The following SIK2 variants were observed in gnomAD, a reference collection of about 807,000 sequenced individuals.
SIK2 encodes the protein salt inducible kinase 2, also known as serine/threonine-protein kinase SIK2.
Under a neutral mutation model 103.2 loss-of-function variants are expected in SIK2, and 29 were observed. The ratio of observed to expected loss-of-function variants is 0.28; its 90% CI spans 0.21 to 0.38. SIK2 has a LOEUF of 0.38. Among genes scored for constraint, SIK2 ranks in the 10% least tolerant of loss-of-function variants. The pLI, the probability that SIK2 is intolerant of heterozygous loss-of-function variation, is 1.00. For synonymous variants in SIK2, 412 were observed against 446.1 expected (o/e 0.92, Z 0.96); for missense variants, 879 against 1,171.0 (o/e 0.75, Z 3.64).
At chr11:111,685,010 C>T (rs1419007970) in intron 3 of SIK2, among the ~76,000 whole-genome samples, 1 of 152,190 alleles carries the variant, frequency 6.6e-6, no homozygotes, top group Non-Finnish European at 1.5e-5. Context: ...TAGTGCTAAG[C>T]ATTGCAGAGT....
chr11:111,723,084 C>T (rs995887045), intron 14 of SIK2, among the ~76,000 whole-genome samples: 1 of 152,180 alleles, frequency 6.6e-6, no homozygotes, highest in Non-Finnish European at 1.5e-5. Context: ...TCCGTCCTCC[C>T]TTACTATCAT....
intron 8 of SIK2, among the ~76,000 whole-genome samples, chr11:111,708,934 T>C (rs1446030049): frequency 6.6e-6 from 1 of 152,116 alleles, no homozygotes; most frequent in East Asian, 1.9e-4. Context: ...TAACAGTCCT[T>C]CCACTGCAAG....
intron 3 of SIK2, among the ~76,000 whole-genome samples, chr11:111,679,912 C>T (rs1174827788): frequency 6.6e-6 from 1 of 152,070 alleles, no homozygotes; most frequent in Non-Finnish European, 1.5e-5. Flanking sequence ...ATCACAAGGT[C>T]AGGAGTTCAA....
chr11:111,676,645 C>T (rs192481989), intron 3 of SIK2, among the ~76,000 whole-genome samples: 264 of 152,230 alleles, frequency 1.7e-3, no homozygotes, highest in Non-Finnish European at 2.9e-3. Context: ...ATGATGATGT[C>T]TTAGATCTCA....
At chr11:111,659,866 T>C (rs567522795) in intron 3 of SIK2, among the ~76,000 whole-genome samples, 26 of 152,298 alleles carry the variant, frequency 1.7e-4, no homozygotes, top group Non-Finnish European at 3.7e-4. Context: ...ACTTTTAGAG[T>C]TGATTGGAGA....
chr11:111,727,122 A>G lies in SIK2; in HGVS notation c.*2993A>G, dbSNP rs1352220359. 4.9e-6 allele frequency: 7 copies of G among 1,430,708 alleles called. No individual in the cohort carries two copies. Among genetic ancestry groups the G allele is most frequent in the Non-Finnish European group, 6.9e-6 (7 of 1,017,756 alleles). 88.6% of individuals were successfully genotyped at this position (1,430,708 alleles called of 1,614,324 possible). A position where few individuals can be genotyped will look rare whatever the true frequency, so the allele number is the denominator to read the frequency against. ...GGCCCACTTTCACATTCCCGGTGAC[A>G]CTGACCGTCCCCAGCTGCCCCCTCG... is the stretch of plus-strand genomic sequence containing the variant. On this transcript the variant is annotated 3_prime_UTR_variant, in exon 15 of 15. Coordinates refer to ENST00000304987, the MANE Select transcript of SIK2 (RefSeq NM_015191.3).
At chr11:111,668,601 C>T (rs1425403171) in intron 3 of SIK2, among the ~76,000 whole-genome samples, 4 of 152,006 alleles carry the variant, frequency 2.6e-5, no homozygotes, top group South Asian at 2.1e-4. Context: ...CTTCAGTTTC[C>T]GATCATATGG....
intron 7 of SIK2, 51 bp from the exon 8 acceptor site, chr11:111,704,936 T>TCGG: frequency 6.7e-7 from 1 of 1,498,780 alleles, no homozygotes; most frequent in Admixed American, 2.5e-5. Context: ...GTGTAGATCA[T>TCGG]TGCATTGGTC....
At chr11:111,627,066 A>G (rs1001236931) in intron 3 of SIK2, among the ~76,000 whole-genome samples, 1 of 152,170 alleles carries the variant, frequency 6.6e-6, no homozygotes, top group African/African-American at 2.4e-5. Context: ...AGAAACTAAG[A>G]TGTAAATGGG....
chr11:111,627,527 A>G (rs1390652267), intron 3 of SIK2, among the ~76,000 whole-genome samples: 1 of 152,244 alleles, frequency 6.6e-6, no homozygotes, highest in Non-Finnish European at 1.5e-5. Flanking sequence ...AGTTTCAGGC[A>G]TCCACTGGAG....
At chr11:111,683,672 G>A (rs1017822878) in intron 3 of SIK2, among the ~76,000 whole-genome samples, 1 of 151,970 alleles carries the variant, frequency 6.6e-6, no homozygotes, top group African/African-American at 2.4e-5. Flanking sequence ...GGCTGGTTTC[G>A]AACTCCTGAC....
rs1943887685 is a variant in SIK2, at chr11:111,723,971, A to C, written c.2623A>C (p.Ser875Arg). ...GTATCCTGTGGATGGAGCCCAGCAG[A>C]GCGACCTAACGGGGCCAGACTGTCC... Reference protein sequence around the residue: ...CQYPVDGAQQSDLTGPDCPRS... With the variant: ...CQYPVDGAQQRDLTGPDCPRS... The change falls in exon 15 of 15, where the codon AGC (serine) becomes CGC (arginine). Residue 875 changes from serine to arginine, a missense_variant. Ser to Arg is a moderately radical substitution (Grantham distance 110). This residue lies in a region of SIK2 where 375 missense variants were observed against 416.3 expected (regional missense o/e 0.90). Transcript: ENST00000304987. 6.2e-7 allele frequency: 1 copy of C among 1,614,032 alleles called. No homozygotes were observed. The highest frequency in any genetic ancestry group is 1.3e-5 in the African/African-American group (1 of 74,928).
intron 3 of SIK2, among the ~76,000 whole-genome samples, chr11:111,669,088 G>A (rs887449123): frequency 6.6e-6 from 1 of 152,276 alleles, no homozygotes. Flanking sequence ...TAAAATGAAA[G>A]TTTTAAAGAG....
chr11:111,657,633 C>A (rs947215136), intron 3 of SIK2, among the ~76,000 whole-genome samples: 13 of 152,238 alleles, frequency 8.5e-5, no homozygotes, highest in Admixed American at 3.3e-4. Flanking sequence ...AAGCGATCCG[C>A]CTGCCCTGGC....
At chr11:111,707,586 C>G (rs1450178997) in intron 8 of SIK2, among the ~76,000 whole-genome samples, 3 of 152,134 alleles carry the variant, frequency 2.0e-5, no homozygotes, top group African/African-American at 7.2e-5. Context: ...GAGCAACAGG[C>G]CCCCTCCTCT....
intron 3 of SIK2, chr11:111,671,483 A>G (rs2135880649): frequency 3.7e-6 from 1 of 269,200 alleles, no homozygotes; most frequent in Non-Finnish European, 7.2e-6. Flanking sequence ...GTCTTTGTGC[A>G]ATGCAAGTCA....
Position 111,723,833 on chromosome 11 carries a change from C to G in SIK2, c.2485C>G (p.Pro829Ala). The G allele has an allele frequency of 6.2e-6, 10 of 1,613,732 alleles. No homozygotes were observed. Among genetic ancestry groups the G allele is most frequent in the Non-Finnish European group, 8.5e-6 (10 of 1,179,964 alleles). ...QQQQPPPPPP[P>A]PPPRQPGAAP... ...GCAGCAGCCGCCACCGCCACCACCCCCTCCACCACCACGACAGCCAGGAGC... is the reference window on the plus strand; with the variant it reads ...GCAGCAGCCGCCACCGCCACCACCCGCTCCACCACCACGACAGCCAGGAGC... Residue 829 changes from proline to alanine, a missense_variant, in exon 15 of 15, where the codon CCT (proline) becomes GCT (alanine). Transcript: ENST00000304987.
At chr11:111,647,812 G>A (rs1248570911) in intron 3 of SIK2, among the ~76,000 whole-genome samples, 1 of 149,986 alleles carries the variant, frequency 6.7e-6, no homozygotes, top group Non-Finnish European at 1.5e-5. Context: ...AGCTTGCAGT[G>A]AGCTGAGATT....
At chr11:111,644,181 TG>T (rs1942221644) in intron 3 of SIK2, among the ~76,000 whole-genome samples, 1 of 147,784 alleles carries the variant, frequency 6.8e-6, no homozygotes, top group Non-Finnish European at 1.5e-5. Context: ...CCCAGCTACT[TG>T]GGAGGCTGAG....
Sources: allele counts gnomAD v4.1 joint callset (sites outside exome capture counted in the v4.1 genomes callset), GRCh38; gene constraint gnomAD v4.1.1; regional missense constraint gnomAD v4.1.1; transcripts MANE v1.5; gene names NCBI Gene and HGNC (gene_info 2026-07-23, HGNC 2026-07-21).